Variants in ATAD1 observed in about 807,000 individuals in gnomAD.
ATAD1 encodes the protein outer mitochondrial transmembrane helix translocase.
Under a neutral mutation model 42.7 loss-of-function variants are expected in ATAD1, and 18 were observed. That is an observed-to-expected ratio of 0.42 (90% CI 0.29 to 0.63). The LOEUF (loss-of-function observed/expected upper bound fraction) is 0.63, where lower values mean the gene tolerates loss of function less well. Among genes scored for constraint, ATAD1 ranks in the 20% least tolerant of loss-of-function variants. The pLI, the probability that ATAD1 is intolerant of heterozygous loss-of-function variation, is 0.19. For synonymous variants in ATAD1, 132 were observed against 143.1 expected (o/e 0.92, Z 0.55); for missense variants, 294 against 440.4 (o/e 0.67, Z 2.98).
At chr10:87,821,526 C>T (rs1484059589), upstream of ATAD1, among the ~76,000 whole-genome samples, 1 of 151,092 alleles carries the variant, frequency 6.6e-6, no homozygotes. Context: ...AGTGAGATTC[C>T]ATCTCAAAAA....
intron 1 of ATAD1, among the ~76,000 whole-genome samples, chr10:87,816,818 G>C (rs1292003709): frequency 1.3e-5 from 2 of 152,198 alleles, no homozygotes; most frequent in East Asian, 3.8e-4. Flanking sequence ...ATTTAGACAA[G>C]ATAAGGGTTT....
At chr10:87,810,737 C>T (rs1419989128) in intron 2 of ATAD1, among the ~76,000 whole-genome samples, 3 of 152,172 alleles carry the variant, frequency 2.0e-5, no homozygotes, top group African/African-American at 7.2e-5. Context: ...CTTCACCCAG[C>T]ATATGGCTTA....
intron 2 of ATAD1, among the ~76,000 whole-genome samples, chr10:87,793,542 T>C (rs1856231166): frequency 1.3e-5 from 2 of 152,206 alleles, no homozygotes; most frequent in Admixed American, 1.3e-4. Flanking sequence ...TTTAGCATGA[T>C]TAAGTAATTT....
intron 1 of ATAD1, among the ~76,000 whole-genome samples, chr10:87,830,436 C>T (rs1413976701): frequency 6.6e-6 from 1 of 152,212 alleles, no homozygotes; most frequent in African/African-American, 2.4e-5. Context: ...ATCATCCCCA[C>T]TCTCAGTTGG....
intron 4 of ATAD1, among the ~76,000 whole-genome samples, chr10:87,789,699 G>T (rs990355553): frequency 6.6e-6 from 1 of 151,986 alleles, no homozygotes; most frequent in Non-Finnish European, 1.5e-5. Flanking sequence ...TTCAACTTGG[G>T]TGACACAGTG....
intron 3 of ATAD1, among the ~76,000 whole-genome samples, chr10:87,792,348 T>C (rs1856164905): frequency 6.6e-6 from 1 of 152,174 alleles, no homozygotes; most frequent in Non-Finnish European, 1.5e-5. Flanking sequence ...TCCCGTGAGC[T>C]TTCCTGGTGA....
chr10:87,837,197 T>A (rs961291440), intron 1 of ATAD1, among the ~76,000 whole-genome samples: 3 of 152,316 alleles, frequency 2.0e-5, no homozygotes, highest in African/African-American at 7.2e-5. Flanking sequence ...GGTTCTTGTA[T>A]GCTGACTAGT....
intron 6 of ATAD1, among the ~76,000 whole-genome samples, 159 bp downstream of exon 6, chr10:87,776,161 GT>G (rs1855294960): frequency 6.6e-6 from 1 of 152,110 alleles, no homozygotes; most frequent in Non-Finnish European, 1.5e-5. Flanking sequence ...ATTGGATAAA[GT>G]TTATACAAAC....
intron 4 of ATAD1, among the ~76,000 whole-genome samples, chr10:87,785,552 A>G (rs1855783895): frequency 6.6e-6 from 1 of 150,982 alleles, no homozygotes; most frequent in African/African-American, 2.4e-5. Flanking sequence ...GTTTAATTCA[A>G]AGCTCAACTT....
chr10:87,794,559 G>T (rs1001398054), intron 2 of ATAD1, among the ~76,000 whole-genome samples: 1 of 152,182 alleles, frequency 6.6e-6, no homozygotes, highest in African/African-American at 2.4e-5. Flanking sequence ...TGTCACACTT[G>T]GGGGTAGGGT....
chr10:87,813,429 TTCAG>T (rs1163317098), intron 2 of ATAD1, among the ~76,000 whole-genome samples: 2 of 151,902 alleles, frequency 1.3e-5, no homozygotes, highest in African/African-American at 4.8e-5. Flanking sequence ...CATCTAGAAC[TTCAG>T]TCAACTATTT....
chr10:87,759,666 C>CT (rs1457651590), intron 8 of ATAD1: 1 of 408,160 alleles, frequency 2.5e-6, no homozygotes, highest in Non-Finnish European at 4.9e-6. Context: ...ATTCCAGTCA[C>CT]TGGGGGAGCA....
intron 3 of ATAD1, among the ~76,000 whole-genome samples, chr10:87,792,150 A>G (rs1395134499): frequency 2.0e-5 from 3 of 152,248 alleles, no homozygotes; most frequent in Admixed American, 6.5e-5. Flanking sequence ...GCATGTGGGA[A>G]CTTAGATTTC....
intron 1 of ATAD1, among the ~76,000 whole-genome samples, chr10:87,823,487 G>T (rs958734775): frequency 6.6e-6 from 1 of 152,176 alleles, no homozygotes; most frequent in African/African-American, 2.4e-5. Flanking sequence ...GTTTTAAGGC[G>T]TAGATGAAAG....
At chr10:87,780,650 A>G (rs1315982875) in intron 5 of ATAD1, among the ~76,000 whole-genome samples, 1 of 152,254 alleles carries the variant, frequency 6.6e-6, no homozygotes, top group Non-Finnish European at 1.5e-5. Context: ...AAGAAAAAAA[A>G]TCCCAGAGTT....
intron 5 of ATAD1, among the ~76,000 whole-genome samples, chr10:87,778,691 T>A (rs964889991): frequency 6.6e-5 from 10 of 152,300 alleles, no homozygotes; most frequent in Admixed American, 4.6e-4. Context: ...TTGGAGTACT[T>A]TGTATCTTGG....
rs752815903 is a variant in ATAD1 at position 87,756,900 on chromosome 10, A to T, written c.854T>A (p.Leu285Gln). 27 of 1,610,922 alleles carry T rather than the reference A, an allele frequency of 1.7e-5. No individual in the cohort carries two copies. The South Asian group carries it at 3.0e-4, about 18-fold the overall frequency. The change falls in exon 9 of 10, where the codon CTA (leucine) becomes CAA (glutamine). Residue 285 changes from leucine (L) to glutamine (Q), a missense_variant. Around this residue, in one of 3 missense-constraint regions of ATAD1, gnomAD observed 142 missense variants for 174.6 expected, o/e 0.81. Transcript: ENST00000680024. ...NENVDRHVDL[L>Q]EVAQETDGFS... The stretch of plus-strand genomic sequence containing the variant: ...CCCATCAGTTTCCTGGGCAACTTCT[A>T]GCAGGTCTACATGCCTATCCACCTT...
intron 2 of ATAD1, among the ~76,000 whole-genome samples, chr10:87,800,408 C>T (rs1262222205): frequency 1.3e-5 from 2 of 151,914 alleles, no homozygotes; most frequent in Non-Finnish European, 2.9e-5. Flanking sequence ...TTTTTTTCCT[C>T]AAGTTCTGTT....
upstream of ATAD1, among the ~76,000 whole-genome samples, chr10:87,820,134 TG>T (rs1391536645): frequency 6.6e-6 from 1 of 152,126 alleles, no homozygotes; most frequent in East Asian, 1.9e-4. Context: ...AGGCTATCAG[TG>T]CTCAGCAGAC....
Sources: gnomAD v4.1 joint callset for allele counts (sites outside exome capture counted in the v4.1 genomes callset) on GRCh38, gnomAD v4.1.1 for gene constraint, gnomAD v4.1.1 regional missense constraint, MANE v1.5 for transcripts, NCBI Gene and HGNC (gene_info 2026-07-23, HGNC 2026-07-21) for gene names.